Variants in PCDHGA4 observed in about 807,000 individuals in gnomAD.
PCDHGA4 encodes protocadherin gamma-A4.
Under a neutral mutation model 54.6 loss-of-function variants are expected in PCDHGA4, and 38 were observed. The ratio of observed to expected loss-of-function variants is 0.70; its 90% confidence interval spans 0.54 to 0.91. PCDHGA4 has a LOEUF of 0.91. PCDHGA4 is among the 40% of genes least tolerant of loss of function. The probability of loss-of-function intolerance (pLI) is 0.00; values close to 1 mark genes in which losing one functional copy is unlikely to be tolerated. For synonymous variants in PCDHGA4, 511 were observed against 512.9 expected, an observed-to-expected ratio of 1.00 and a Z score of 0.05; for missense variants, 1,298 against 1,220.9, an observed-to-expected ratio of 1.06 and a Z score of -0.94.
At chr5:141,409,700 G>C (rs1561722120) in intron 1 of PCDHGA4, 4 of 1,613,280 alleles carry the variant, frequency 2.5e-6, no homozygotes, top group Non-Finnish European at 3.4e-6. Context: ...AGAGCCCCTG[G>C]CGGTGTCGTC....
At chr5:141,371,952 T>A in intron 1 of PCDHGA4, 1 of 1,613,260 alleles carries the variant, frequency 6.2e-7, no homozygotes. Flanking sequence ...GCAGCGAGCC[T>A]TCGACCACGA....
At chr5:141,421,089 T>A (rs1047424267) in intron 1 of PCDHGA4, 25 of 661,836 alleles carry the variant, frequency 3.8e-5, no homozygotes, top group Middle Eastern at 4.1e-4. Context: ...TCACAGATCC[T>A]GACACTGGAG....
At chr5:141,415,306 T>G (rs2095852502) in intron 1 of PCDHGA4, 2 of 1,614,222 alleles carry the variant, frequency 1.2e-6, no homozygotes, top group Non-Finnish European at 8.5e-7. Context: ...CTTCCTGGCC[T>G]TCGTCATCGT....
At chr5:141,360,616 G>A in intron 1 of PCDHGA4, 1 of 1,614,038 alleles carries the variant, frequency 6.2e-7, no homozygotes, top group Non-Finnish European at 8.5e-7. Context: ...CCTGGATTCA[G>A]ATGTTGGTCC....
intron 1 of PCDHGA4, among the ~76,000 whole-genome samples, chr5:141,369,759 G>A (rs6873480): frequency 0.13 from 19,861 of 152,140 alleles, 1,700 homozygotes; most frequent in African/African-American, 0.25. Flanking sequence ...AAGAATACAC[G>A]TGAAGCTGAT....
Position 141,512,270 on chromosome 5 carries a change from G to C in PCDHGA4, c.*1097G>C, listed in dbSNP as rs1188941232. On this transcript the variant is annotated 3_prime_UTR_variant, in exon 4 of 4. Transcript: ENST00000571252. ...TCTGTGGGTGCTGGGTACTCCAGAG[G>C]TGCCACTGGTGGAAGGGTCAGCGGA... 6.5e-6 allele frequency: 1 copy of C among 152,714 alleles called. No homozygotes were observed. The highest frequency in any genetic ancestry group is 2.4e-5 in the African/African-American group (1 of 41,452). The allele number at this position is 152,714 out of a possible 1,614,324, so 9.5% of individuals were successfully genotyped here. A position where few individuals can be genotyped will look rare whatever the true frequency, so the allele number is the denominator to read the frequency against.
At chr5:141,421,148 G>A (rs1334539595) in intron 1 of PCDHGA4, 2 of 1,056,062 alleles carry the variant, frequency 1.9e-6, no homozygotes, top group African/African-American at 1.6e-5. Context: ...GATGTAGTCG[G>A]CCTAGGACTT....
chr5:141,362,442 C>T (rs1762499161), intron 1 of PCDHGA4: 1 of 1,614,062 alleles, frequency 6.2e-7, no homozygotes, highest in South Asian at 1.1e-5. Flanking sequence ...ATTTTCTGAA[C>T]ATAACCCCGG....
Position 141,365,430 on chromosome 5 carries a change from C to T in PCDHGA4, c.2514+7809C>T, listed in dbSNP as rs151160787. The stretch of plus-strand genomic sequence containing the variant: ...GACTGTCTTCCCGGAACTGTAATCG[C>T]GCTGTTTAGCGTACATGATGGTGAT... On this transcript the variant is annotated intron_variant, in intron 1 of 3. Coordinates refer to ENST00000571252, the MANE Select transcript of PCDHGA4 (RefSeq NM_018917.4). 2.0e-4 allele frequency: 316 copies of T among 1,613,960 alleles called. 3 individuals are homozygous for T. The East Asian group carries it at 6.1e-3, about 31-fold the overall frequency.
At chr5:141,499,689 CT>C (rs545067566) in intron 2 of PCDHGA4, among the ~76,000 whole-genome samples, 4,434 of 119,828 alleles carry the variant, frequency 0.037, 46 homozygotes, top group African/African-American at 0.083. Context: ...TAACAGATGA[CT>C]TTTTTTTTTT....
rs201424832 is a variant in PCDHGA4 at position 141,490,802 on chromosome 5, C to T, written c.2515-4005C>T. On this transcript the variant is annotated intron_variant, in intron 1 of 3. Transcript: ENST00000571252. This position sits in a 1 kb window ranked among gnomAD's most constrained non-coding sequence, Gnocchi z 5.4. Reference sequence around the variant, plus strand: ...GATGGACGGATCTTTGCCCAGCGTACCTTTGACTATGAATTGCTGCAGATG... The same window carrying T: ...GATGGACGGATCTTTGCCCAGCGTATCTTTGACTATGAATTGCTGCAGATG... 1 of 1,613,944 alleles carries T rather than the reference C, an allele frequency of 6.2e-7. No homozygotes were observed. Among genetic ancestry groups the T allele is most frequent in the East Asian group, 2.2e-5 (1 of 44,886 alleles).
chr5:141,432,934 G>GC lies in PCDHGA4; in HGVS notation c.2515-61872dup. On this transcript the variant is annotated intron_variant, in intron 1 of 3. Transcript: ENST00000571252. The surrounding 1 kb of genome is among the most constrained non-coding windows in gnomAD (Gnocchi z 6.0). ...GGCGCTGGCACAAGTCACGCCTGCT[G>GC]CAGGCTTCAGGAGGCGGCTTGACAG... The GC allele has an allele frequency of 6.2e-7, 1 of 1,614,196 alleles. No individual in the cohort carries two copies. Among genetic ancestry groups the GC allele is most frequent in the Non-Finnish European group, 8.5e-7 (1 of 1,180,040 alleles).
chr5:141,448,763 A>AC (rs1372638258), intron 1 of PCDHGA4, among the ~76,000 whole-genome samples: 11 of 151,572 alleles, frequency 7.3e-5, no homozygotes, highest in Admixed American at 5.3e-4. Flanking sequence ...ACACGGTGAA[A>AC]CCCCGTCTGT....
chr5:141,431,127 T>C lies in PCDHGA4; in HGVS notation c.2515-63680T>C, dbSNP rs1455709617. ...AAAATATATGGAGTAGAAGTAGAAG[T>C]AAGGGACATTAACGACAATGCGCCT... On this transcript the variant is annotated intron_variant, in intron 1 of 3. Transcript: ENST00000571252. This position sits in a 1 kb window ranked among gnomAD's most constrained non-coding sequence, Gnocchi z 4.8. 1 of 1,614,176 alleles carries C rather than the reference T, an allele frequency of 6.2e-7. No individual in the cohort carries two copies. Among genetic ancestry groups the C allele is most frequent in the East Asian group, 2.2e-5 (1 of 44,878 alleles).
At chr5:141,377,605 C>T (rs572021306) in intron 1 of PCDHGA4, 1 of 140,680 alleles carries the variant, frequency 7.1e-6, no homozygotes, top group Admixed American at 7.1e-5. Context: ...CTCTCTCTCT[C>T]AAAAAAAAAA....
Position 141,512,554 on chromosome 5 carries a change from T to TAG in PCDHGA4, c.*1383_*1384dup, listed in dbSNP as rs2099884300. ...AAGTTCCCCAGTGCCTCCTTGTGCA[T>TAG]AGACCTTCTTCTCCCACCCCCTTCT... is the stretch of plus-strand genomic sequence containing the variant. On this transcript the variant is annotated 3_prime_UTR_variant, in exon 4 of 4. Coordinates refer to ENST00000571252, the MANE Select transcript of PCDHGA4 (RefSeq NM_018917.4). 6.5e-6 allele frequency: 1 copy of TAG among 153,012 alleles called. No homozygotes were observed. Among genetic ancestry groups the TAG allele is most frequent in the Non-Finnish European group, 1.5e-5 (1 of 68,482 alleles). 9.5% of individuals were successfully genotyped at this position (153,012 alleles called of 1,614,324 possible).
intron 1 of PCDHGA4, chr5:141,360,527 C>T (rs763036184): frequency 2.5e-6 from 4 of 1,613,910 alleles, no homozygotes; most frequent in Admixed American, 3.3e-5. Flanking sequence ...GATAATACCC[C>T]GCTATTCAAA....
At position 141,356,618 on chromosome 5, in the gene PCDHGA4, C is replaced by T. The variant is rs1431984672; in HGVS notation, c.1511C>T (p.Ser504Phe). The change falls in exon 1 of 4, where the codon TCT becomes TTT. Residue 504 changes from serine to phenylalanine, a missense_variant. Coordinates refer to ENST00000571252, the MANE Select transcript of PCDHGA4 (RefSeq NM_018917.4). ...AACCCCAGAGGAGCCTCCATCTTAT[C>T]TATGACTGCTCAAGACCCTGACAGT... ...ENNPRGASIL[S>F]MTAQDPDSGD... 1.9e-6 allele frequency: 3 copies of T among 1,614,090 alleles called. No homozygotes were observed. The highest frequency in any genetic ancestry group is 3.3e-5 in the Admixed American group (2 of 60,006).
rs750774158 is a variant in PCDHGA4 at position 141,389,140 on chromosome 5, C to A, written c.2514+31519C>A. 3.1e-6 allele frequency: 5 copies of A among 1,613,878 alleles called. No homozygotes were observed. In the Admixed American group the frequency reaches 8.3e-5, roughly 27 times the overall value. On this transcript the variant is annotated intron_variant, in intron 1 of 3. Coordinates refer to ENST00000571252, the MANE Select transcript of PCDHGA4 (RefSeq NM_018917.4). ...GAGCAGAATCCAGAGTACAATATAA[C>A]CGTTACGGCAACAGATCGGGGCAAG...
Sources: gnomAD v4.1 joint callset for allele counts (sites outside exome capture counted in the v4.1 genomes callset) on GRCh38, gnomAD v4.1.1 for gene constraint, Gnocchi (gnomAD v3.1) non-coding constraint, MANE v1.5 for transcripts, NCBI Gene and HGNC (gene_info 2026-07-23, HGNC 2026-07-21) for gene names.